Variants in COLEC10 observed in about 807,000 individuals in gnomAD.
The protein encoded by COLEC10 is collectin subfamily member 10.
In COLEC10, 22 loss-of-function variants were observed where a neutral mutation model predicts 28.4. That is an observed-to-expected ratio of 0.78 (90% CI 0.55 to 1.11). COLEC10 has a LOEUF of 1.11. COLEC10 is among the 50% of genes least tolerant of loss of function. COLEC10 has a pLI of 0.00. For synonymous variants in COLEC10, 125 were observed against 116.1 expected (o/e 1.08, Z -0.49); for missense variants, 361 against 344.1 (o/e 1.05, Z -0.39).
chr8:119,079,532 T>C (rs1056739457), intron 1 of COLEC10, among the ~76,000 whole-genome samples: 1 of 152,178 alleles, frequency 6.6e-6, no homozygotes, highest in African/African-American at 2.4e-5. Context: ...ATGAATGATA[T>C]GTGAAGGCTG....
chr8:118,991,844 A>G (rs201255468), upstream of COLEC10, among the ~76,000 whole-genome samples: 1 of 137,178 alleles, frequency 7.3e-6, no homozygotes, highest in African/African-American at 2.9e-5. Flanking sequence ...ATTCAATTGA[A>G]TATATTTATA....
At chr8:118,970,003 A>G in the COLEC10 span, among the ~76,000 whole-genome samples, 1 of 152,038 alleles carries the variant, frequency 6.6e-6, no homozygotes, top group Non-Finnish European at 1.5e-5. Context: ...TGTGGAAAGA[A>G]GAATGTGAGC....
At chr8:119,003,359 G>T (rs1043133834) in intron 1 of COLEC10, among the ~76,000 whole-genome samples, 8 of 152,046 alleles carry the variant, frequency 5.3e-5, no homozygotes, top group African/African-American at 1.4e-4. Context: ...CGGTTTTTAG[G>T]TTCTGCTGAA....
At chr8:119,018,882 T>C (rs1173816417) in intron 2 of COLEC10, among the ~76,000 whole-genome samples, 3 of 152,158 alleles carry the variant, frequency 2.0e-5, no homozygotes, top group African/African-American at 7.2e-5. Context: ...ATCCCCCCAG[T>C]ACCCAGGGAA....
the COLEC10 span, among the ~76,000 whole-genome samples, chr8:118,971,138 G>A: frequency 6.6e-6 from 1 of 151,866 alleles, no homozygotes; most frequent in Admixed American, 6.6e-5. Context: ...GTAGGAGTGG[G>A]AAACCATATT....
chr8:118,952,621 A>C, the COLEC10 span, among the ~76,000 whole-genome samples: 10 of 152,160 alleles, frequency 6.6e-5, no homozygotes, highest in Non-Finnish European at 1.3e-4. Context: ...GCCAGAGAGA[A>C]TCTGCAGAGT....
At chr8:119,096,622 T>A (rs1360253082) in intron 3 of COLEC10, among the ~76,000 whole-genome samples, 1 of 151,900 alleles carries the variant, frequency 6.6e-6, no homozygotes, top group African/African-American at 2.4e-5. Context: ...AAAGAACTTC[T>A]ATTCATTAAA....
At chr8:118,960,313 GT>G in the COLEC10 span, among the ~76,000 whole-genome samples, 1 of 152,204 alleles carries the variant, frequency 6.6e-6, no homozygotes, top group Non-Finnish European at 1.5e-5. Flanking sequence ...AGGTGCTATT[GT>G]TTTACGGGCA....
At chr8:119,032,516 C>G (rs962376713) in intron 2 of COLEC10, among the ~76,000 whole-genome samples, 3 of 152,154 alleles carry the variant, frequency 2.0e-5, no homozygotes, top group Non-Finnish European at 4.4e-5. Flanking sequence ...TTGTACTCAG[C>G]CTAAGGAGTT....
At chr8:119,013,509 A>G (rs79720399) in intron 2 of COLEC10, among the ~76,000 whole-genome samples, 4,693 of 150,854 alleles carry the variant, frequency 0.031, 138 homozygotes, top group Non-Finnish European at 0.051. Flanking sequence ...GTTCAACTCA[A>G]TGTCCTTATA....
At chr8:118,977,821 A>G in the COLEC10 span, among the ~76,000 whole-genome samples, 1 of 151,926 alleles carries the variant, frequency 6.6e-6, no homozygotes, top group Non-Finnish European at 1.5e-5. Flanking sequence ...TTCCTAACAT[A>G]GCCCTTAGGT....
intron 1 of COLEC10, among the ~76,000 whole-genome samples, chr8:118,997,182 A>G (rs1402102956): frequency 6.6e-6 from 1 of 152,186 alleles, no homozygotes; most frequent in Non-Finnish European, 1.5e-5. Context: ...GAATCACATG[A>G]GTTCCTTATA....
the COLEC10 span, among the ~76,000 whole-genome samples, chr8:118,984,674 A>G: frequency 6.6e-6 from 1 of 152,152 alleles, no homozygotes; most frequent in African/African-American, 2.4e-5. Context: ...TCTATAAGCC[A>G]AGGAACACAA....
intron 2 of COLEC10, among the ~76,000 whole-genome samples, chr8:119,024,942 C>A (rs1029866381): frequency 1.3e-5 from 2 of 151,968 alleles, no homozygotes; most frequent in African/African-American, 4.8e-5. Context: ...AGAAGAGATC[C>A]GGGCAAGATA....
chr8:119,020,383 C>T (rs377272483), intron 2 of COLEC10, among the ~76,000 whole-genome samples: 2 of 151,954 alleles, frequency 1.3e-5, no homozygotes, highest in African/African-American at 4.8e-5. Context: ...TAAAATATTC[C>T]CTATTCAAAT....
chr8:118,989,724 G>GCA, the COLEC10 span, among the ~76,000 whole-genome samples: 1 of 150,804 alleles, frequency 6.6e-6, no homozygotes, highest in African/African-American at 2.5e-5. Context: ...CTAAAAATTT[G>GCA]CATGTGTGTG....
chr8:119,063,478 G>A (rs564190427), upstream of COLEC10, among the ~76,000 whole-genome samples: 154 of 152,170 alleles, frequency 1.0e-3, no homozygotes, highest in Non-Finnish European at 2.0e-3. Context: ...TTCTTGTTGC[G>A]TAACTCTCAT....
chr8:118,996,741 G>A (rs1586988227), intron 1 of COLEC10, among the ~76,000 whole-genome samples: 1 of 152,292 alleles, frequency 6.6e-6, no homozygotes, highest in South Asian at 2.1e-4. Flanking sequence ...TCGGCTCATG[G>A]TTCTCCAGGC....
At chr8:118,996,569 A>T in intron 1 of COLEC10, among the ~76,000 whole-genome samples, 1 of 152,108 alleles carries the variant, frequency 6.6e-6, no homozygotes, top group East Asian at 1.9e-4. Context: ...GTGAGGTGAT[A>T]TCTCATTGTG....
Sources: allele counts gnomAD v4.1 joint callset (sites outside exome capture counted in the v4.1 genomes callset), GRCh38; gene constraint gnomAD v4.1.1; transcripts MANE v1.5; gene names NCBI Gene and HGNC (gene_info 2026-07-23, HGNC 2026-07-21).